Variants in MNAT1 observed in about 807,000 individuals in gnomAD.
MNAT1 encodes the protein CDK-activating kinase assembly factor MAT1.
Under a neutral mutation model 42.0 loss-of-function variants are expected in MNAT1, and 43 were observed. The observed-to-expected ratio is 1.02, with a 90% CI of 0.80 to 1.32. MNAT1 has a LOEUF of 1.32. MNAT1 is among the 40% of genes most tolerant of loss of function. The pLI, the probability that MNAT1 is intolerant of heterozygous loss-of-function variation, is 0.00. For synonymous variants in MNAT1, 118 were observed against 120.0 expected, an observed-to-expected ratio of 0.98 and a Z score of 0.11; for missense variants, 306 against 350.4, an observed-to-expected ratio of 0.87 and a Z score of 1.01.
intron 6 of MNAT1, among the ~76,000 whole-genome samples, chr14:60,867,944 C>T (rs1337787080): frequency 6.6e-6 from 1 of 151,922 alleles, no homozygotes; most frequent in Non-Finnish European, 1.5e-5. Context: ...TTATACTTGC[C>T]ATGAAATTGT....
At chr14:60,834,492 T>C (rs2033318559) in intron 6 of MNAT1, among the ~76,000 whole-genome samples, 1 of 152,194 alleles carries the variant, frequency 6.6e-6, no homozygotes, top group Non-Finnish European at 1.5e-5. Flanking sequence ...TAATCCTGAG[T>C]TCTAATTTGA....
chr14:60,943,336 A>G (rs2036214042), intron 7 of MNAT1, among the ~76,000 whole-genome samples: 1 of 152,162 alleles, frequency 6.6e-6, no homozygotes, highest in African/African-American at 2.4e-5. Flanking sequence ...ATTTCAGAGC[A>G]CTTCACAGTT....
intron 7 of MNAT1, among the ~76,000 whole-genome samples, chr14:60,884,176 C>G (rs2034611167): frequency 6.6e-6 from 1 of 152,014 alleles, no homozygotes; most frequent in Non-Finnish European, 1.5e-5. Flanking sequence ...CAGTTTTCCC[C>G]CATTCAGTAT....
intron 6 of MNAT1, among the ~76,000 whole-genome samples, chr14:60,851,108 G>C (rs2033810325): frequency 6.6e-6 from 1 of 152,112 alleles, no homozygotes; most frequent in South Asian, 2.1e-4. Flanking sequence ...GTGAATACAT[G>C]AAAAGACAAA....
chr14:60,823,161 C>G (rs2032948455), intron 6 of MNAT1, among the ~76,000 whole-genome samples: 2 of 152,188 alleles, frequency 1.3e-5, no homozygotes, highest in African/African-American at 4.8e-5. Context: ...GTGGGTCTTA[C>G]ACCCTGGCTT....
At chr14:60,844,767 A>G (rs2033642429) in intron 6 of MNAT1, among the ~76,000 whole-genome samples, 3 of 152,068 alleles carry the variant, frequency 2.0e-5, no homozygotes, top group Admixed American at 2.0e-4. Context: ...TAGAATTTTC[A>G]TGAATGTCTT....
At chr14:60,869,036 A>AT (rs1026021783) in intron 6 of MNAT1, among the ~76,000 whole-genome samples, 26 of 87,950 alleles carry the variant, frequency 3.0e-4, no homozygotes, top group East Asian at 2.5e-3. Flanking sequence ...ATATATATAT[A>AT]TATATTTTTT....
At chr14:60,812,209 A>C in intron 5 of MNAT1, 82 bp downstream of exon 5, 1 of 1,326,782 alleles carries the variant, frequency 7.5e-7, no homozygotes, top group South Asian at 1.9e-5. Flanking sequence ...TGGCATTTAA[A>C]GGGCTTTTCC....
intron 1 of MNAT1, among the ~76,000 whole-genome samples, chr14:60,770,732 C>T (rs541438530): frequency 2.0e-5 from 3 of 152,088 alleles, no homozygotes; most frequent in Admixed American, 1.3e-4. Flanking sequence ...AAAATGGTTG[C>T]GTTATTTTAT....
At chr14:60,851,358 C>A (rs1221326634) in intron 6 of MNAT1, among the ~76,000 whole-genome samples, 1 of 152,018 alleles carries the variant, frequency 6.6e-6, no homozygotes, top group African/African-American at 2.4e-5. Flanking sequence ...TTTTCTTTTG[C>A]TTTTCTTTAT....
intron 6 of MNAT1, among the ~76,000 whole-genome samples, chr14:60,838,582 C>T (rs79152037): frequency 2.5e-3 from 385 of 152,316 alleles, no homozygotes; most frequent in African/African-American, 8.8e-3. Flanking sequence ...TGCAAAGACA[C>T]CAGCTGCAGT....
chr14:60,775,262 G>T (rs543884357), intron 1 of MNAT1, among the ~76,000 whole-genome samples: 7 of 152,218 alleles, frequency 4.6e-5, no homozygotes, highest in African/African-American at 1.7e-4. Flanking sequence ...TATTGGATGA[G>T]GACAGAAAAT....
intron 6 of MNAT1, among the ~76,000 whole-genome samples, chr14:60,866,777 C>T (rs998285480): frequency 1.3e-5 from 2 of 151,968 alleles, no homozygotes; most frequent in African/African-American, 2.4e-5. Context: ...ATTTGAGGAT[C>T]TTTAATGATA....
At chr14:60,910,790 T>G (rs1233322170) in intron 7 of MNAT1, among the ~76,000 whole-genome samples, 4 of 152,202 alleles carry the variant, frequency 2.6e-5, no homozygotes, top group African/African-American at 9.7e-5. Flanking sequence ...ATTCTCTTTT[T>G]TGGTTGTGTC....
chr14:60,836,638 A>T (rs2033396824), intron 6 of MNAT1, among the ~76,000 whole-genome samples: 1 of 152,182 alleles, frequency 6.6e-6, no homozygotes, highest in African/African-American at 2.4e-5. Context: ...CACTGGCTAG[A>T]TGCCAGACAG....
intron 1 of MNAT1, among the ~76,000 whole-genome samples, chr14:60,763,553 C>T (rs2030695401): frequency 6.6e-6 from 1 of 152,024 alleles, no homozygotes; most frequent in Non-Finnish European, 1.5e-5. Context: ...AGGTTAGAGA[C>T]CTTAATGTTC....
At chr14:60,901,232 G>A (rs2139505911) in intron 7 of MNAT1, among the ~76,000 whole-genome samples, 1 of 152,234 alleles carries the variant, frequency 6.6e-6, no homozygotes, top group Middle Eastern at 3.4e-3. Flanking sequence ...ATGACAGTGT[G>A]TCTGTTTACA....
chr14:60,866,308 T>C (rs1270777420), intron 6 of MNAT1, among the ~76,000 whole-genome samples: 4 of 1,362 alleles, frequency 2.9e-3, no homozygotes, highest in Non-Finnish European at 0.017. Flanking sequence ...TATTTTGACC[T>C]TTTTTTTTTT....
chr14:60,946,690 T>C (rs2036283119), intron 7 of MNAT1, among the ~76,000 whole-genome samples: 1 of 152,226 alleles, frequency 6.6e-6, no homozygotes, highest in African/African-American at 2.4e-5. Flanking sequence ...TAGGCACTTC[T>C]TGTATATCGT....
Sources: gnomAD v4.1 joint callset for allele counts (sites outside exome capture counted in the v4.1 genomes callset) on GRCh38, gnomAD v4.1.1 for gene constraint, MANE v1.5 for transcripts, NCBI Gene and HGNC (gene_info 2026-07-23, HGNC 2026-07-21) for gene names.